The following GAB2 variants were observed in gnomAD, a reference collection of about 807,000 sequenced individuals.
GAB2 encodes the protein GRB2-associated-binding protein 2.
GAB2 carries 26 observed loss-of-function variants against 65.5 expected under a neutral mutation model. The observed-to-expected ratio is 0.40, with a 90% CI of 0.29 to 0.55. The LOEUF (loss-of-function observed/expected upper bound fraction) is 0.55, where lower values mean the gene tolerates loss of function less well. Among genes scored for constraint, GAB2 ranks in the 20% least tolerant of loss-of-function variants. The probability of loss-of-function intolerance (pLI) is 0.53; values close to 1 mark genes in which losing one functional copy is unlikely to be tolerated. For synonymous variants in GAB2, 321 were observed against 329.6 expected, an observed-to-expected ratio of 0.97 and a Z score of 0.28; for missense variants, 884 against 875.8, an observed-to-expected ratio of 1.01 and a Z score of -0.12.
At chr11:78,317,052 C>T (rs1855621890) in intron 1 of GAB2, among the ~76,000 whole-genome samples, 1 of 152,156 alleles carries the variant, frequency 6.6e-6, no homozygotes, top group Admixed American at 6.5e-5. Context: ...CATGTGATTC[C>T]ACTTATATGA....
At chr11:78,338,079 A>G (rs1394991568) in intron 1 of GAB2, among the ~76,000 whole-genome samples, 2 of 152,116 alleles carry the variant, frequency 1.3e-5, no homozygotes, top group East Asian at 3.8e-4. Context: ...AATGTTAAGT[A>G]TGTTACCTGA....
At chr11:78,244,175 T>C (rs1865225134) in intron 3 of GAB2, among the ~76,000 whole-genome samples, 1 of 152,076 alleles carries the variant, frequency 6.6e-6, no homozygotes, top group Non-Finnish European at 1.5e-5. Flanking sequence ...GCAGATTCCT[T>C]GAGGTCAGGA....
intron 1 of GAB2, among the ~76,000 whole-genome samples, chr11:78,401,476 T>C (rs1856971413): frequency 6.6e-6 from 1 of 151,552 alleles, no homozygotes; most frequent in African/African-American, 2.4e-5. Context: ...GTATTAAAGT[T>C]TTCTTCCCTT....
At chr11:78,324,640 T>C (rs1855790689) in intron 1 of GAB2, 1 of 152,202 alleles carries the variant, frequency 6.6e-6, no homozygotes, top group African/African-American at 2.4e-5. Flanking sequence ...CCATGCTAAG[T>C]GCTTTATACA....
chr11:78,346,880 T>C (rs1358707726), intron 1 of GAB2, among the ~76,000 whole-genome samples: 2 of 151,618 alleles, frequency 1.3e-5, no homozygotes, highest in African/African-American at 2.4e-5. Flanking sequence ...GATTCTGTCA[T>C]GGCTCAAGGA....
At chr11:78,403,370 A>C (rs1401888700) in intron 1 of GAB2, among the ~76,000 whole-genome samples, 1 of 152,254 alleles carries the variant, frequency 6.6e-6, no homozygotes, top group Non-Finnish European at 1.5e-5. Context: ...TCGTCATTTA[A>C]ACATTTGTAA....
chr11:78,251,922 G>A (rs969608645), intron 2 of GAB2, among the ~76,000 whole-genome samples: 1 of 152,180 alleles, frequency 6.6e-6, no homozygotes, highest in East Asian at 1.9e-4. Context: ...TCATGTCTGC[G>A]GACTAAGCAA....
chr11:78,240,896 A>T (rs1454133148), intron 3 of GAB2, among the ~76,000 whole-genome samples: 2 of 152,210 alleles, frequency 1.3e-5, no homozygotes, highest in African/African-American at 4.8e-5. Context: ...ACGGAGAGTG[A>T]ACCTGCACCC....
chr11:78,369,826 C>A (rs1856543767), intron 1 of GAB2, among the ~76,000 whole-genome samples: 1 of 152,156 alleles, frequency 6.6e-6, no homozygotes, highest in Admixed American at 6.5e-5. Context: ...TCATGAGCGC[C>A]CCCAGAACGT....
At position 78,300,763 on chromosome 11, in the gene GAB2, C is replaced by T. The variant is rs374579149; in HGVS notation, c.76-19862G>A. ...AGGCTGGAATGCGGTGGCATGACCT[C>T]GGCTCACTGCAACCTCTGTCTCCCA... is the stretch of plus-strand genomic sequence containing the variant. On this transcript the variant is annotated intron_variant, in intron 1 of 9. Transcript: ENST00000361507. Among the ~76,000 whole-genome samples, 8 of 147,512 alleles carry T rather than the reference C, an allele frequency of 5.4e-5. No individual in the cohort carries two copies. The East Asian group carries it at 1.2e-3, about 22-fold the overall frequency.
At chr11:78,290,048 A>G (rs180793573) in intron 1 of GAB2, among the ~76,000 whole-genome samples, 1 of 152,206 alleles carries the variant, frequency 6.6e-6, no homozygotes, top group Admixed American at 6.5e-5. Flanking sequence ...ATAGATCAGC[A>G]GAGAAATGTT....
chr11:78,332,637 A>C (rs1206149994), intron 1 of GAB2, among the ~76,000 whole-genome samples: 1 of 152,256 alleles, frequency 6.6e-6, no homozygotes, highest in Non-Finnish European at 1.5e-5. Context: ...AATGGGATGC[A>C]GCAAGAGGTA....
intron 3 of GAB2, among the ~76,000 whole-genome samples, chr11:78,241,651 A>G (rs1348764993): frequency 6.6e-6 from 1 of 152,200 alleles, no homozygotes; most frequent in Non-Finnish European, 1.5e-5. Context: ...GAAGAATTCA[A>G]TGAATGAAAT....
At chr11:78,251,727 A>G (rs536775602) in intron 2 of GAB2, among the ~76,000 whole-genome samples, 2 of 149,772 alleles carry the variant, frequency 1.3e-5, no homozygotes, top group Non-Finnish European at 3.0e-5. Context: ...TTCTCTCCCA[A>G]ATCTTCCTGG....
intron 1 of GAB2, among the ~76,000 whole-genome samples, chr11:78,368,568 C>T (rs1856527612): frequency 6.6e-6 from 1 of 151,820 alleles, no homozygotes; most frequent in Non-Finnish European, 1.5e-5. Flanking sequence ...AAAATAGAAA[C>T]AAAGCATACT....
intron 6 of GAB2, 50 bp downstream of exon 6, chr11:78,223,362 G>C: frequency 7.0e-7 from 1 of 1,419,702 alleles, no homozygotes; most frequent in Non-Finnish European, 9.3e-7. Flanking sequence ...CAAATGGAAA[G>C]AGTCCCTAGC....
intron 1 of GAB2, among the ~76,000 whole-genome samples, chr11:78,328,331 C>T (rs1254504755): frequency 3.9e-5 from 6 of 152,180 alleles, no homozygotes; most frequent in South Asian, 2.1e-4. Flanking sequence ...AACACTAAGC[C>T]GCGGAAGGCT....
At chr11:78,382,361 C>G (rs1856708522) in intron 1 of GAB2, among the ~76,000 whole-genome samples, 2 of 151,622 alleles carry the variant, frequency 1.3e-5, no homozygotes, top group Admixed American at 1.3e-4. Context: ...TCTGCTGGAG[C>G]AATATTCTTT....
At position 78,222,143 on chromosome 11, in the gene GAB2, G is replaced by A. The variant is rs752369031; in HGVS notation, c.1620C>T (p.Pro540=). Residue 540 remains proline (P), a synonymous_variant, in exon 7 of 10, where the codon CCC becomes CCT. Transcript: ENST00000361507. ...AAGACTTGGTGATAGGTGACTTGAAGGGGAGTTCATCGATGACGGTGTTGT... is the reference window on the plus strand; with the variant it reads ...AAGACTTGGTGATAGGTGACTTGAAAGGGAGTTCATCGATGACGGTGTTGT... The part of the protein sequence containing the change: ...LRNNTVIDEL[P]FKSPITKSWS... The A allele has an allele frequency of 1.9e-5, 31 of 1,613,976 alleles. No homozygotes were observed. The South Asian group carries it at 3.2e-4, about 17-fold the overall frequency.
Sources: gnomAD v4.1 joint callset for allele counts (sites outside exome capture counted in the v4.1 genomes callset) on GRCh38, gnomAD v4.1.1 for gene constraint, MANE v1.5 for transcripts, NCBI Gene and HGNC (gene_info 2026-07-23, HGNC 2026-07-21) for gene names.